PRKCB: variants seen among roughly 807,000 people sequenced by gnomAD.
PRKCB encodes protein kinase C beta, also known as protein kinase C beta type.
Under a neutral mutation model 81.5 loss-of-function variants are expected in PRKCB, and 13 were observed. The ratio of observed to expected loss-of-function variants is 0.16; its 90% CI spans 0.10 to 0.25. PRKCB has a LOEUF of 0.25. Ranked by LOEUF, PRKCB falls within the 10% of genes least tolerant of loss-of-function variation. PRKCB has a pLI of 1.00. For synonymous variants in PRKCB, 335 were observed against 321.4 expected, an observed-to-expected ratio of 1.04 and a Z score of -0.45; for missense variants, 509 against 875.7, an observed-to-expected ratio of 0.58 and a Z score of 5.29.
intron 2 of PRKCB, among the ~76,000 whole-genome samples, chr16:23,931,666 A>G (rs1236920603): frequency 6.6e-6 from 1 of 151,726 alleles, no homozygotes; most frequent in Non-Finnish European, 1.5e-5. Flanking sequence ...TGCTACCGAG[A>G]CGGGGAGGTC....
intron 5 of PRKCB, among the ~76,000 whole-genome samples, chr16:24,060,837 G>T (rs1040180796): frequency 2.0e-5 from 3 of 152,150 alleles, no homozygotes. Flanking sequence ...ATTTCATCCT[G>T]CTTCCCCCAT....
intron 9 of PRKCB, among the ~76,000 whole-genome samples, chr16:24,126,151 G>T (rs569770368): frequency 6.6e-6 from 1 of 152,150 alleles, no homozygotes; most frequent in African/African-American, 2.4e-5. Flanking sequence ...AATGAAAATG[G>T]TATCTAGATT....
chr16:24,032,620 G>A (rs1331967868), intron 4 of PRKCB, among the ~76,000 whole-genome samples: 1 of 152,162 alleles, frequency 6.6e-6, no homozygotes, highest in Admixed American at 6.5e-5. Context: ...GCTGTCATCT[G>A]GGTGATGGTG....
At chr16:24,050,937 A>AT (rs201574079) in intron 5 of PRKCB, among the ~76,000 whole-genome samples, 162 of 144,298 alleles carry the variant, frequency 1.1e-3, no homozygotes, top group South Asian at 6.6e-3. Flanking sequence ...CTTGTGCAAG[A>AT]TTTTTTTTTT....
At chr16:23,871,619 C>T (rs1431098209) in intron 2 of PRKCB, among the ~76,000 whole-genome samples, 2 of 151,906 alleles carry the variant, frequency 1.3e-5, no homozygotes, top group Non-Finnish European at 2.9e-5. Context: ...ACTGTGTTGC[C>T]CAGGATGAAG....
At chr16:24,171,946 T>C (rs1283158577) in intron 10 of PRKCB, among the ~76,000 whole-genome samples, 6 of 152,160 alleles carry the variant, frequency 3.9e-5, no homozygotes, top group African/African-American at 1.4e-4. Context: ...TTTTGCCCTG[T>C]TGGCCAGGCT....
At chr16:24,073,908 C>T (rs978928250) in intron 5 of PRKCB, among the ~76,000 whole-genome samples, 1 of 151,654 alleles carries the variant, frequency 6.6e-6, no homozygotes, top group African/African-American at 2.4e-5. Flanking sequence ...TTTGGGAGGC[C>T]GAGGCAGGCG....
At chr16:24,015,091 G>A (rs538759002) in intron 3 of PRKCB, among the ~76,000 whole-genome samples, 17 of 152,250 alleles carry the variant, frequency 1.1e-4, no homozygotes, top group Middle Eastern at 3.4e-3. Context: ...GTGAACTGCC[G>A]CGCCTGGCCT....
At chr16:24,128,400 A>G (rs563517624) in intron 9 of PRKCB, among the ~76,000 whole-genome samples, 1 of 152,348 alleles carries the variant, frequency 6.6e-6, no homozygotes, top group South Asian at 2.1e-4. Flanking sequence ...CAACAGCCCC[A>G]CTAATAATTT....
intron 2 of PRKCB, among the ~76,000 whole-genome samples, chr16:23,955,487 C>T (rs1197618644): frequency 6.6e-6 from 1 of 152,030 alleles, no homozygotes; most frequent in Non-Finnish European, 1.5e-5. Flanking sequence ...TATGGGGTGC[C>T]GCGCTTGCCC....
intron 8 of PRKCB, among the ~76,000 whole-genome samples, chr16:24,115,296 AAG>A (rs1356039951): frequency 2.1e-5 from 3 of 144,604 alleles, no homozygotes; most frequent in African/African-American, 7.5e-5. Flanking sequence ...GCATTTATCC[AAG>A]AGCATTTATC....
At chr16:24,027,205 T>C (rs924701173) in intron 3 of PRKCB, among the ~76,000 whole-genome samples, 1 of 152,180 alleles carries the variant, frequency 6.6e-6, no homozygotes, top group Admixed American at 6.5e-5. Flanking sequence ...CGATGTGTTC[T>C]CATCGTTCAA....
At position 24,041,865 on chromosome 16, in the gene PRKCB, T is replaced by A. The variant is rs555497272; in HGVS notation, c.529+6318T>A. 3.3e-5 allele frequency among the ~76,000 whole-genome samples: 5 copies of A among 151,768 alleles called. No individual in the cohort carries two copies. In the East Asian group the frequency reaches 9.7e-4, roughly 30 times the overall value. On this transcript the variant is annotated intron_variant, in intron 5 of 16. Transcript: ENST00000643927. ...CAGGTGTGGTGGTGGATGCCTGTAA[T>A]CCCAGCTACTCAGGAGGCTGAGACA... is the stretch of plus-strand genomic sequence containing the variant.
At chr16:24,021,321 TC>T (rs1965394631) in intron 3 of PRKCB, among the ~76,000 whole-genome samples, 1 of 51,206 alleles carries the variant, frequency 2.0e-5, no homozygotes, top group Non-Finnish European at 3.6e-5. Context: ...CTTCCTTCCT[TC>T]CTTCCTTCCT....
chr16:23,883,261 C>T (rs1597226931), intron 2 of PRKCB, among the ~76,000 whole-genome samples: 1 of 152,272 alleles, frequency 6.6e-6, no homozygotes, highest in East Asian at 1.9e-4. Flanking sequence ...TCAGAAAGGC[C>T]TTCCTAACTG....
At chr16:24,129,688 TTATC>T (rs1291024335) in intron 9 of PRKCB, among the ~76,000 whole-genome samples, 2 of 149,030 alleles carry the variant, frequency 1.3e-5, no homozygotes, top group African/African-American at 5.0e-5. Flanking sequence ...GTCTATCTTA[TTATC>T]TATCATCTGT....
chr16:24,211,787 T>C (rs1181498786), intron 16 of PRKCB, among the ~76,000 whole-genome samples: 2 of 152,098 alleles, frequency 1.3e-5, no homozygotes, highest in African/African-American at 2.4e-5. Context: ...CTCGAACTCT[T>C]GATCTCAGGT....
At chr16:23,921,404 G>A (rs1176621174) in intron 2 of PRKCB, among the ~76,000 whole-genome samples, 1 of 152,166 alleles carries the variant, frequency 6.6e-6, no homozygotes, top group African/African-American at 2.4e-5. Context: ...AAGGTATTGG[G>A]GACTTAGTGC....
intron 9 of PRKCB, among the ~76,000 whole-genome samples, chr16:24,147,764 C>T (rs1967017557): frequency 6.6e-6 from 1 of 152,162 alleles, no homozygotes; most frequent in Non-Finnish European, 1.5e-5. Flanking sequence ...ACGGACGAGT[C>T]ACCTAGCTTT....
Sources: gnomAD v4.1 joint callset for allele counts (sites outside exome capture counted in the v4.1 genomes callset) on GRCh38, gnomAD v4.1.1 for gene constraint, MANE v1.5 for transcripts, NCBI Gene and HGNC (gene_info 2026-07-23, HGNC 2026-07-21) for gene names.